Variants in GALNT13 observed in about 807,000 individuals in gnomAD.
The protein encoded by GALNT13 is UDP-GalNAc:polypeptide N-acetylgalactosaminyltransferase 13.
In GALNT13, 28 loss-of-function variants were observed where a neutral mutation model predicts 64.2. That is an observed-to-expected ratio of 0.44 (90% CI 0.32 to 0.60). GALNT13 has a LOEUF of 0.60. GALNT13 is among the 20% of genes least tolerant of loss of function. The pLI, the probability that GALNT13 is intolerant of heterozygous loss-of-function variation, is 0.05. For synonymous variants in GALNT13, 214 were observed against 224.6 expected (o/e 0.95, Z 0.42); for missense variants, 577 against 669.8 (o/e 0.86, Z 1.53).
At chr2:154,131,392 G>C (rs144562510) in intron 3 of GALNT13, among the ~76,000 whole-genome samples, 101 of 152,222 alleles carry the variant, frequency 6.6e-4, no homozygotes, top group African/African-American at 2.3e-3. Flanking sequence ...TTTTTTCTCA[G>C]CTACTAAATA....
intron 2 of GALNT13, among the ~76,000 whole-genome samples, chr2:153,917,828 A>G (rs971750769): frequency 1.3e-5 from 2 of 152,134 alleles, no homozygotes; most frequent in Admixed American, 6.6e-5. Context: ...CAAGGGTTCA[A>G]CTGATAGAGA....
the GALNT13 span, among the ~76,000 whole-genome samples, chr2:153,562,056 CTCTCTGTGTGTGTG>C: frequency 7.5e-5 from 7 of 92,896 alleles, no homozygotes; most frequent in African/African-American, 2.7e-4. Context: ...CTCTCTCTCT[CTCTCTGTGTGTGTG>C]TGTGTGTGTG....
At chr2:154,097,872 GTTTC>G (rs1446390748) in intron 3 of GALNT13, among the ~76,000 whole-genome samples, 1 of 152,016 alleles carries the variant, frequency 6.6e-6, no homozygotes, top group Non-Finnish European at 1.5e-5. Flanking sequence ...TTCATTAGCA[GTTTC>G]TTTACCATGT....
intron 3 of GALNT13, among the ~76,000 whole-genome samples, chr2:154,093,275 A>G (rs1461852266): frequency 6.6e-6 from 1 of 152,024 alleles, no homozygotes; most frequent in Non-Finnish European, 1.5e-5. Context: ...ACTTTTTGTA[A>G]TATCTATAAC....
At chr2:153,728,366 G>T in the GALNT13 span, among the ~76,000 whole-genome samples, 1 of 152,184 alleles carries the variant, frequency 6.6e-6, no homozygotes, top group Non-Finnish European at 1.5e-5. Flanking sequence ...CACCAACAGT[G>T]TAAAAGTGTT....
intron 9 of GALNT13, among the ~76,000 whole-genome samples, chr2:154,392,088 A>C (rs1040295619): frequency 3.3e-5 from 5 of 152,204 alleles, no homozygotes; most frequent in African/African-American, 7.2e-5. Context: ...GGGATGTTTG[A>C]AGAAATGTAA....
the GALNT13 span, among the ~76,000 whole-genome samples, chr2:153,723,570 A>C: frequency 6.6e-6 from 1 of 151,760 alleles, no homozygotes; most frequent in Non-Finnish European, 1.5e-5. Context: ...GTCTCAGCCC[A>C]AAATCTCCTT....
chr2:154,399,131 C>G (rs1699183963), intron 10 of GALNT13, among the ~76,000 whole-genome samples: 1 of 152,024 alleles, frequency 6.6e-6, no homozygotes, highest in Non-Finnish European at 1.5e-5. Context: ...TAACTAAGAG[C>G]ATGAAGCTGA....
chr2:154,363,500 T>A (rs1697193789), intron 9 of GALNT13, among the ~76,000 whole-genome samples: 1 of 152,156 alleles, frequency 6.6e-6, no homozygotes, highest in Non-Finnish European at 1.5e-5. Context: ...AAAAATGCAA[T>A]TTTGTTGCAA....
chr2:154,008,711 G>C (rs1363308665), intron 3 of GALNT13, among the ~76,000 whole-genome samples: 1 of 152,078 alleles, frequency 6.6e-6, no homozygotes, highest in African/African-American at 2.4e-5. Flanking sequence ...GTGTTAGTTT[G>C]CTTAGGATAA....
intron 9 of GALNT13, among the ~76,000 whole-genome samples, chr2:154,348,415 G>A (rs1313084974): frequency 6.6e-6 from 1 of 151,964 alleles, no homozygotes; most frequent in Non-Finnish European, 1.5e-5. Flanking sequence ...CGGTGTTACA[G>A]TGTGCTTTGG....
At chr2:153,437,841 T>G in the GALNT13 span, among the ~76,000 whole-genome samples, 6 of 152,212 alleles carry the variant, frequency 3.9e-5, no homozygotes, top group African/African-American at 1.4e-4. Flanking sequence ...AGGTTAATAT[T>G]GTTATGTGTG....
chr2:154,363,280 A>G (rs934320423), intron 9 of GALNT13, among the ~76,000 whole-genome samples: 6 of 152,196 alleles, frequency 3.9e-5, no homozygotes, highest in African/African-American at 1.4e-4. Flanking sequence ...TATGGCTTAG[A>G]TATTCTCAAG....
chr2:154,041,257 C>T (rs1243464058), intron 3 of GALNT13, among the ~76,000 whole-genome samples: 1 of 140,164 alleles, frequency 7.1e-6, no homozygotes, highest in Non-Finnish European at 1.6e-5. Flanking sequence ...TAAATGAAGA[C>T]CTCAATTGAA....
At chr2:153,696,531 T>C in the GALNT13 span, among the ~76,000 whole-genome samples, 1 of 152,072 alleles carries the variant, frequency 6.6e-6, no homozygotes, top group Non-Finnish European at 1.5e-5. Context: ...AGTTTTTTCC[T>C]ATACATACAT....
Position 154,107,014 on chromosome 2 carries a change from G to GT in GALNT13, c.143-33315dup, listed in dbSNP as rs1553478724. On this transcript the variant is annotated intron_variant, in intron 3 of 12. Transcript: ENST00000392825. ...ACTCTATTAGTTCCCAGGACAGCTGGTTTTTTTTGTTTTGTTTTGTTTTGT... is the reference window on the plus strand; with the variant it reads ...ACTCTATTAGTTCCCAGGACAGCTGGTTTTTTTTTGTTTTGTTTTGTTTTGT... 5.6e-3 allele frequency among the ~76,000 whole-genome samples: 735 copies of GT among 130,992 alleles called. 5 individuals are homozygous for GT. Among genetic ancestry groups the GT allele is most frequent in the African/African-American group, 0.019 (710 of 37,738 alleles). The allele number at this position is 130,992 out of a possible 152,430, so 85.9% of individuals were successfully genotyped here.
chr2:153,808,090 G>T, the GALNT13 span, among the ~76,000 whole-genome samples: 199 of 152,204 alleles, frequency 1.3e-3, no homozygotes, highest in African/African-American at 4.7e-3. Context: ...AGCCCAAAGC[G>T]CTGTAGTTAA....
chr2:153,859,188 T>A, the GALNT13 span, among the ~76,000 whole-genome samples: 1 of 152,252 alleles, frequency 6.6e-6, no homozygotes. Context: ...TAGCTTCTTT[T>A]GCATTTGGCA....
At chr2:153,985,551 T>C (rs1694744667) in intron 3 of GALNT13, among the ~76,000 whole-genome samples, 1 of 151,858 alleles carries the variant, frequency 6.6e-6, no homozygotes, top group Non-Finnish European at 1.5e-5. Context: ...AGCACCAAAC[T>C]CAGTACCCGG....
Sources: gnomAD v4.1 joint callset for allele counts (sites outside exome capture counted in the v4.1 genomes callset) on GRCh38, gnomAD v4.1.1 for gene constraint, MANE v1.5 for transcripts, NCBI Gene and HGNC (gene_info 2026-07-23, HGNC 2026-07-21) for gene names.